The following SFXN2 variants were observed in gnomAD, a reference collection of about 807,000 sequenced individuals.
SFXN2 encodes sideroflexin 2.
In SFXN2, 37 loss-of-function variants were observed where a neutral mutation model predicts 41.9. That is an observed-to-expected ratio of 0.88 (90% CI 0.68 to 1.16). SFXN2 has a LOEUF of 1.16. Ranked by LOEUF, SFXN2 falls within the 50% of genes most tolerant of loss-of-function variation. The probability of loss-of-function intolerance (pLI) is 0.00; values close to 1 mark genes in which losing one functional copy is unlikely to be tolerated. For synonymous variants in SFXN2, 150 were observed against 156.7 expected (o/e 0.96, Z 0.32); for missense variants, 386 against 425.2 (o/e 0.91, Z 0.81).
chr10:102,721,126 G>A (rs928839628), intron 1 of SFXN2, among the ~76,000 whole-genome samples: 1 of 152,104 alleles, frequency 6.6e-6, no homozygotes, highest in African/African-American at 2.4e-5. Flanking sequence ...CTGACTTCAG[G>A]ATTGCCTAGC....
chr10:102,725,097 G>A (rs1238918797), intron 1 of SFXN2: 1 of 152,150 alleles, frequency 6.6e-6, no homozygotes, highest in Non-Finnish European at 1.5e-5. Flanking sequence ...CTCCCTTGCT[G>A]TCTATGGGTC....
At chr10:102,715,038 C>T (rs2064386244) in intron 1 of SFXN2, 1 of 152,524 alleles carries the variant, frequency 6.6e-6, no homozygotes, top group Admixed American at 6.5e-5. Flanking sequence ...GGGATCGGCC[C>T]GGTTTTTGTT....
At chr10:102,731,438 G>A (rs147801610) in intron 6 of SFXN2, among the ~76,000 whole-genome samples, 1 of 152,222 alleles carries the variant, frequency 6.6e-6, no homozygotes, top group African/African-American at 2.4e-5. Context: ...AAGCAAAACT[G>A]AGGCTTTGGG....
chr10:102,728,444 G>A lies in SFXN2; in HGVS notation c.346G>A (p.Val116Met). ...CCTCACTGGTAGGACGATGCCGGCG[G>A]TGATCTTCTGGCAGTGGGTGAACCA... ...MLQFYRTMPA[V>M]IFWQWVNQSF... Residue 116 changes from valine (V) to methionine (M), a missense_variant, in exon 4 of 12, where the codon GTG (valine) becomes ATG (methionine). By Grantham distance (21) the Val-to-Met change is conservative. Transcript: ENST00000369893. The A allele has an allele frequency of 6.2e-7, 1 of 1,614,108 alleles. No homozygotes were observed. Among genetic ancestry groups the A allele is most frequent in the Non-Finnish European group, 8.5e-7 (1 of 1,179,974 alleles).
intron 1 of SFXN2, among the ~76,000 whole-genome samples, chr10:102,722,866 C>T (rs545813857): frequency 6.7e-6 from 1 of 149,966 alleles, no homozygotes; most frequent in African/African-American, 2.4e-5. Flanking sequence ...CTTCTTTTAA[C>T]ATCTTGTAAG....
In SFXN2 at chr10:102,726,803, G is replaced by A; in HGVS notation, c.161+6G>A. On this transcript the variant is annotated splice_donor_region_variant and intron_variant, in intron 2 of 11. Coordinates refer to ENST00000369893, the MANE Select transcript of SFXN2 (RefSeq NM_178858.6). Reference sequence around the variant, plus strand: ...GTGATGGTGGAGAAGAGCAGGTGAGGGGTCGGGGAAGGGGCTGGAAGTAGT... The same window carrying A: ...GTGATGGTGGAGAAGAGCAGGTGAGAGGTCGGGGAAGGGGCTGGAAGTAGT... 2 of 1,614,142 alleles carry A rather than the reference G, an allele frequency of 1.2e-6. No homozygotes were observed. The highest frequency in any genetic ancestry group is 1.7e-6 in the Non-Finnish European group (2 of 1,180,010).
At chr10:102,717,679 C>A in intron 1 of SFXN2, 1 of 825,262 alleles carries the variant, frequency 1.2e-6, no homozygotes, top group Non-Finnish European at 1.5e-6. Flanking sequence ...TGAAAGAAAG[C>A]GTGCTCTTAA....
At chr10:102,723,121 A>G (rs2064534707) in intron 1 of SFXN2, among the ~76,000 whole-genome samples, 1 of 151,752 alleles carries the variant, frequency 6.6e-6, no homozygotes, top group African/African-American at 2.4e-5. Flanking sequence ...TTGGTAGAAA[A>G]AAAAATACAA....
At chr10:102,729,195 C>A in intron 4 of SFXN2, 124 bp from the exon 5 acceptor site, 1 of 835,966 alleles carries the variant, frequency 1.2e-6, no homozygotes, top group Non-Finnish European at 1.9e-6. Context: ...CAAGATAAGG[C>A]TGGGGACAGA....
Position 102,734,533 on chromosome 10 carries a change from A to G in SFXN2, c.821+930A>G, listed in dbSNP as rs531137652. Among the ~76,000 whole-genome samples the G allele has an allele frequency of 6.6e-6, 1 of 152,352 alleles. No homozygotes were observed. The highest frequency in any genetic ancestry group is 1.9e-4 in the East Asian group (1 of 5,190). ...GAGTAAGAAACTTGCCCAAGGGTAT[A>G]TAGCTGGTAACTGCTGGAGCTGAGA... is the stretch of plus-strand genomic sequence containing the variant. On this transcript the variant is annotated intron_variant, in intron 10 of 11. Transcript: ENST00000369893. The surrounding 1 kb of genome is among the most constrained non-coding windows in gnomAD (Gnocchi z 4.1).
intron 1 of SFXN2, chr10:102,715,465 G>T (rs943549733): frequency 6.6e-6 from 1 of 152,306 alleles, no homozygotes; most frequent in East Asian, 1.9e-4. Context: ...CACTGGGGTG[G>T]GTTGGGAAGT....
rs2064748093 is a variant in SFXN2 at position 102,734,622 on chromosome 10, G to C, written c.821+1019G>C. ...GCTAATTGAGTAGTTACCATGGGCTGGGTGCTTTACATACATATCTCATTG... is the reference window on the plus strand; with the variant it reads ...GCTAATTGAGTAGTTACCATGGGCTCGGTGCTTTACATACATATCTCATTG... On this transcript the variant is annotated intron_variant, in intron 10 of 11. Coordinates refer to ENST00000369893, the MANE Select transcript of SFXN2 (RefSeq NM_178858.6). The surrounding 1 kb of genome is among the most constrained non-coding windows in gnomAD (Gnocchi z 4.1). Among the ~76,000 whole-genome samples the C allele has an allele frequency of 1.3e-5, 2 of 152,184 alleles. No individual in the cohort carries two copies. Among genetic ancestry groups the C allele is most frequent in the African/African-American group, 2.4e-5 (1 of 41,440 alleles).
Position 102,738,727 on chromosome 10 carries a change from G to C in SFXN2, c.*965G>C, listed in dbSNP as rs559163840. On this transcript the variant is annotated 3_prime_UTR_variant, in exon 12 of 12. Coordinates refer to ENST00000369893, the MANE Select transcript of SFXN2 (RefSeq NM_178858.6). ...TCAAATCATGTCTGAACCTATTCTT[G>C]GAATCTTCTCTATAATAAGGGAAGT... 6.6e-6 allele frequency: 1 copy of C among 152,304 alleles called. No homozygotes were observed. Among genetic ancestry groups the C allele is most frequent in the South Asian group, 2.1e-4 (1 of 4,816 alleles). 9.4% of individuals were successfully genotyped at this position (152,304 alleles called of 1,614,324 possible).
intron 1 of SFXN2, chr10:102,715,414 A>G (rs2064394339): frequency 6.6e-6 from 1 of 152,240 alleles, no homozygotes; most frequent in Non-Finnish European, 1.5e-5. Flanking sequence ...GGAGGAGGCA[A>G]AAATGAGCCT....
rs756529444 is a variant in SFXN2 at position 102,734,854 on chromosome 10, C to T, written c.822-1008C>T. On this transcript the variant is annotated intron_variant, in intron 10 of 11. Transcript: ENST00000369893. The surrounding 1 kb of genome is among the most constrained non-coding windows in gnomAD (Gnocchi z 4.1). Reference sequence around the variant, plus strand: ...CCCAAACCCTGGTCCATGCCAGCATCGTTGGCATCCTCTGATAACTTGTTA... The same window carrying T: ...CCCAAACCCTGGTCCATGCCAGCATTGTTGGCATCCTCTGATAACTTGTTA... Among the ~76,000 whole-genome samples the T allele has an allele frequency of 6.6e-6, 1 of 152,160 alleles. No homozygotes were observed. The highest frequency in any genetic ancestry group is 1.5e-5 in the Non-Finnish European group (1 of 68,026).
intron 1 of SFXN2, among the ~76,000 whole-genome samples, chr10:102,720,410 A>T (rs1405766813): frequency 6.6e-6 from 1 of 151,404 alleles, no homozygotes; most frequent in African/African-American, 2.4e-5. Flanking sequence ...AGGAGTTGAG[A>T]CCAGCCTAGC....
intron 1 of SFXN2, among the ~76,000 whole-genome samples, chr10:102,721,450 A>G (rs1384383732): frequency 6.7e-6 from 1 of 148,974 alleles, no homozygotes; most frequent in African/African-American, 2.4e-5. Context: ...AAAGTTATAT[A>G]TTTATATATG....
At position 102,728,478 on chromosome 10, in the gene SFXN2, A is replaced by G. The variant is rs752922904; in HGVS notation, c.380A>G (p.Asn127Ser). ...TGGCAGTGGGTGAACCAGTCCTTCA[A>G]TGCCTTAGTCAACTACACCAACAGG... ...IFWQWVNQSF[N>S]ALVNYTNRNA... Residue 127 changes from asparagine (N) to serine (S), a missense_variant, in exon 4 of 12, where the codon AAT becomes AGT. Coordinates refer to ENST00000369893, the MANE Select transcript of SFXN2 (RefSeq NM_178858.6). 1 of 1,613,794 alleles carries G rather than the reference A, an allele frequency of 6.2e-7. No homozygotes were observed. The highest frequency in any genetic ancestry group is 1.1e-5 in the South Asian group (1 of 91,060).
At chr10:102,735,114 C>T (rs1292884764) in intron 10 of SFXN2, among the ~76,000 whole-genome samples, 2 of 150,438 alleles carry the variant, frequency 1.3e-5, no homozygotes, top group African/African-American at 2.4e-5. Context: ...GGTCACTCCT[C>T]CCGATACAAG....
Sources: allele counts gnomAD v4.1 joint callset (sites outside exome capture counted in the v4.1 genomes callset), GRCh38; gene constraint gnomAD v4.1.1; non-coding constraint Gnocchi (gnomAD v3.1); transcripts MANE v1.5; gene names NCBI Gene and HGNC (gene_info 2026-07-23, HGNC 2026-07-21).